Variants in LRRC4B observed in about 807,000 individuals in gnomAD.
LRRC4B encodes the protein leucine-rich repeat-containing protein 4B.
Under a neutral mutation model 7.3 loss-of-function variants are expected in LRRC4B, and 1 was observed. That is an observed-to-expected ratio of 0.14 (90% CI 0.05 to 0.65). The LOEUF (loss-of-function observed/expected upper bound fraction) is 0.65, where lower values mean the gene tolerates loss of function less well. Among genes scored for constraint, LRRC4B ranks in the 30% least tolerant of loss-of-function variants. The pLI is 0.84. For synonymous variants in LRRC4B, 500 were observed against 499.2 expected (o/e 1.00, Z -0.02); for missense variants, 730 against 1,041.6 (o/e 0.70, Z 4.12).
At chr19:50,520,951 G>C (rs1328990619) in intron 2 of LRRC4B, among the ~76,000 whole-genome samples, 1 of 152,192 alleles carries the variant, frequency 6.6e-6, no homozygotes, top group African/African-American at 2.4e-5. Flanking sequence ...GGTGTTCACA[G>C]CATTTTTTTC....
At chr19:50,525,779 C>T (rs576113041) in intron 2 of LRRC4B, among the ~76,000 whole-genome samples, 89 of 152,202 alleles carry the variant, frequency 5.8e-4, no homozygotes, top group African/African-American at 2.0e-3. Context: ...TCCTGGCCCC[C>T]TGTCCTCCGA....
chr19:50,531,978 T>G (rs1484175312), intron 2 of LRRC4B, among the ~76,000 whole-genome samples: 3 of 152,198 alleles, frequency 2.0e-5, no homozygotes, highest in Non-Finnish European at 2.9e-5. Flanking sequence ...ATCCCAGCAC[T>G]TTGGGAGGCC....
At chr19:50,564,244 A>G (rs1982557157) in intron 1 of LRRC4B, among the ~76,000 whole-genome samples, 1 of 152,152 alleles carries the variant, frequency 6.6e-6, no homozygotes, top group South Asian at 2.1e-4. Flanking sequence ...TTTTTATGCA[A>G]AATCTCTAAT....
intron 2 of LRRC4B, among the ~76,000 whole-genome samples, chr19:50,545,044 G>A (rs552592387): frequency 3.4e-4 from 52 of 151,718 alleles, no homozygotes; most frequent in African/African-American, 8.9e-4. Context: ...CCCAGGAGGC[G>A]GAGCTTGCAG....
At chr19:50,521,766 G>T (rs1201541881) in intron 2 of LRRC4B, among the ~76,000 whole-genome samples, 1 of 152,000 alleles carries the variant, frequency 6.6e-6, no homozygotes, top group Non-Finnish European at 1.5e-5. Context: ...CCCCATGTTG[G>T]CCAGACTGTT....
chr19:50,527,648 A>G (rs1980871379), intron 2 of LRRC4B, among the ~76,000 whole-genome samples: 1 of 151,938 alleles, frequency 6.6e-6, no homozygotes, highest in Admixed American at 6.6e-5. Flanking sequence ...ACGTATGGAC[A>G]TTGATCTGTA....
chr19:50,520,203 C>CAAAAAAAAAAA (rs1173919963), intron 2 of LRRC4B, among the ~76,000 whole-genome samples: 2 of 9,382 alleles, frequency 2.1e-4, no homozygotes, highest in African/African-American at 4.6e-4. Flanking sequence ...AATACCCTGT[C>CAAAAAAAAAAA]AAAAAAAAAA....
intron 1 of LRRC4B, among the ~76,000 whole-genome samples, chr19:50,550,269 C>T (rs893088708): frequency 6.6e-6 from 1 of 152,104 alleles, no homozygotes; most frequent in Non-Finnish European, 1.5e-5. Context: ...CTCTGGCTCC[C>T]AGCTCTCCTT....
At chr19:50,522,024 G>C (rs55704468) in intron 2 of LRRC4B, among the ~76,000 whole-genome samples, 2 of 152,010 alleles carry the variant, frequency 1.3e-5, no homozygotes, top group South Asian at 4.1e-4. Context: ...AGACAAATAC[G>C]AAAATTAGCC....
At position 50,518,711 on chromosome 19, in the gene LRRC4B, C is replaced by G; in HGVS notation, c.1002G>C (p.Thr334=). The part of the protein sequence containing the change: ...WWLKETVPSN[T]TCCARCHAPA... The stretch of plus-strand genomic sequence containing the variant: ...GCGCATGACAGCGGGCGCAGCACGT[C>G]GTGTTGCTGGGCACCGTCTCCTTGA... The change falls in exon 3 of 3, where the codon ACG becomes ACC. Residue 334 remains threonine, a synonymous_variant. Coordinates refer to ENST00000652263, the MANE Select transcript of LRRC4B (RefSeq NM_001080457.2). 1 of 1,613,912 alleles carries G rather than the reference C, an allele frequency of 6.2e-7. No homozygotes were observed. The highest frequency in any genetic ancestry group is 1.1e-5 in the South Asian group (1 of 91,080).
chr19:50,562,941 T>C lies in LRRC4B; in HGVS notation c.-36+5003A>G, dbSNP rs182786119. On this transcript the variant is annotated intron_variant, in intron 1 of 2. Transcript: ENST00000652263. Reference sequence around the variant, plus strand: ...TTTTGGTAGAGACGGGGTTTCACCATGTTGGCCAGGCTGGTCTCAAACTCC... The same window carrying C: ...TTTTGGTAGAGACGGGGTTTCACCACGTTGGCCAGGCTGGTCTCAAACTCC... Among the ~76,000 whole-genome samples the C allele has an allele frequency of 9.8e-3, 1,485 of 152,100 alleles. 90 individuals carry two copies. The highest frequency in any genetic ancestry group is 0.086 in the Admixed American group (1,321 of 15,282).
Position 50,523,507 on chromosome 19 carries a change from G to C in LRRC4B, c.298-4092C>G, listed in dbSNP as rs59030456. On this transcript the variant is annotated intron_variant, in intron 2 of 2. Coordinates refer to ENST00000652263, the MANE Select transcript of LRRC4B (RefSeq NM_001080457.2). ...AGCCTGGCCAACATGATAAAACTCC[G>C]TCTCTGCTAAAAATACAAAAATTAG... Among the ~76,000 whole-genome samples the C allele has an allele frequency of 1.0e-2, 1,353 of 135,706 alleles. 27 individuals carry two copies. Among genetic ancestry groups the C allele is most frequent in the African/African-American group, 0.035 (1,294 of 37,372 alleles). The allele number at this position is 135,706 out of a possible 152,430, so 89.0% of individuals were successfully genotyped here.
intron 2 of LRRC4B, among the ~76,000 whole-genome samples, chr19:50,529,197 A>G (rs1384552357): frequency 6.6e-6 from 1 of 151,984 alleles, no homozygotes; most frequent in African/African-American, 2.4e-5. Flanking sequence ...ACACTCTCTC[A>G]TATCAATGCG....
chr19:50,551,189 C>A (rs1442017412), intron 1 of LRRC4B: 1 of 152,020 alleles, frequency 6.6e-6, no homozygotes, highest in Non-Finnish European at 1.5e-5. Context: ...GGGACACTCA[C>A]CCTGGTGGCT....
Position 50,518,584 on chromosome 19 carries a change from C to T in LRRC4B, c.1129G>A (p.Glu377Lys), listed in dbSNP as rs1980410917. The T allele has an allele frequency of 6.3e-7, 1 of 1,595,004 alleles. No individual in the cohort carries two copies. The highest frequency in any genetic ancestry group is 8.6e-7 in the Non-Finnish European group (1 of 1,168,370). Reference sequence around the variant, plus strand: ...CATTTGAGCTCGGCAGCCATGCCCTCGGTGACGTTGAGGTCCGTGGGCGGC... The same window carrying T: ...CATTTGAGCTCGGCAGCCATGCCCTTGGTGACGTTGAGGTCCGTGGGCGGC... Reference protein sequence around the residue: ...VEPPTDLNVTEGMAAELKCRT... With the variant: ...VEPPTDLNVTKGMAAELKCRT... The change falls in exon 3 of 3, where the codon GAG (glutamate) becomes AAG (lysine). Residue 377 changes from glutamate (E) to lysine (K), a missense_variant. Transcript: ENST00000652263.
At chr19:50,521,338 T>TGGTTGAAAGGTGAAA (rs1555805512) in intron 2 of LRRC4B, among the ~76,000 whole-genome samples, 19 of 152,132 alleles carry the variant, frequency 1.2e-4, no homozygotes, top group Non-Finnish European at 2.5e-4. Context: ...TACATTGGCG[T>TGGTTGAAAGGTGAAA]GGTGGTTACA....
chr19:50,554,278 G>A (rs1310357991), intron 1 of LRRC4B, among the ~76,000 whole-genome samples: 1 of 151,906 alleles, frequency 6.6e-6, no homozygotes, highest in African/African-American at 2.4e-5. Flanking sequence ...GACAGGTGTG[G>A]GCCACCGTAC....
intron 2 of LRRC4B, among the ~76,000 whole-genome samples, chr19:50,523,823 G>A (rs1033245488): frequency 6.6e-6 from 1 of 151,716 alleles, no homozygotes; most frequent in Non-Finnish European, 1.5e-5. Flanking sequence ...GTCAGGCATG[G>A]TGGCAGGTGC....
At chr19:50,540,556 G>A (rs942826282) in intron 2 of LRRC4B, among the ~76,000 whole-genome samples, 11 of 151,822 alleles carry the variant, frequency 7.2e-5, no homozygotes, top group East Asian at 5.8e-4. Context: ...AGGTTTTGCC[G>A]TGTTGGCCAG....
Sources: allele counts gnomAD v4.1 joint callset (sites outside exome capture counted in the v4.1 genomes callset), GRCh38; gene constraint gnomAD v4.1.1; transcripts MANE v1.5; gene names NCBI Gene and HGNC (gene_info 2026-07-23, HGNC 2026-07-21).